TRPC4: variants seen among roughly 807,000 people sequenced by gnomAD.
The protein encoded by TRPC4 is short transient receptor potential channel 4.
A neutral mutation model predicts 99.4 loss-of-function variants in TRPC4; 49 were observed. The observed-to-expected ratio is 0.49, with a 90% CI of 0.39 to 0.63. The LOEUF (loss-of-function observed/expected upper bound fraction) is 0.63, where lower values mean the gene tolerates loss of function less well. Ranked by LOEUF, TRPC4 falls within the 20% of genes least tolerant of loss-of-function variation. The pLI is 0.00. For synonymous variants in TRPC4, 454 were observed against 425.9 expected (o/e 1.07, Z -0.81); for missense variants, 898 against 1,152.9 (o/e 0.78, Z 3.20).
chr13:37,745,139 A>G (rs1357968020), intron 3 of TRPC4, among the ~76,000 whole-genome samples: 1 of 152,024 alleles, frequency 6.6e-6, no homozygotes. Context: ...GAGTCTTCAC[A>G]CATCCACATA....
chr13:37,810,586 A>G (rs1193948163), intron 1 of TRPC4, among the ~76,000 whole-genome samples: 2 of 152,112 alleles, frequency 1.3e-5, no homozygotes, highest in Non-Finnish European at 2.9e-5. Flanking sequence ...ATGTTGCTCC[A>G]TAAGACAACT....
At chr13:37,760,637 G>C (rs886102841) in intron 2 of TRPC4, among the ~76,000 whole-genome samples, 4 of 151,910 alleles carry the variant, frequency 2.6e-5, no homozygotes, top group African/African-American at 9.7e-5. Flanking sequence ...CCCACAGGCT[G>C]TATGTGGCCC....
intron 8 of TRPC4, among the ~76,000 whole-genome samples, chr13:37,644,746 G>A (rs765586539): frequency 9.2e-5 from 14 of 151,724 alleles, no homozygotes; most frequent in Non-Finnish European, 1.5e-4. Context: ...GGTGGCAAGC[G>A]CCTGTAGTCC....
chr13:37,692,018 C>A lies in TRPC4; in HGVS notation c.1215G>T (p.Met405Ile). The stretch of plus-strand genomic sequence containing the variant: ...ATTTACCCAGGACCCACGGTAATAT[C>A]ATCCACTCGACGATGGTTGGTGGTG... ...QGPPPTIVEW[M>I]ILPWVLGFIW... is the part of the protein sequence containing the mutation. The change falls in exon 4 of 11, where the codon ATG becomes ATT. Residue 405 changes from methionine (M) to isoleucine (I), a missense_variant. Transcript: ENST00000379705. The A allele has an allele frequency of 1.9e-6, 3 of 1,613,632 alleles. No individual in the cohort carries two copies. Among genetic ancestry groups the A allele is most frequent in the Non-Finnish European group, 2.5e-6 (3 of 1,179,632 alleles).
chr13:37,665,489 G>A (rs1044249641), intron 5 of TRPC4, among the ~76,000 whole-genome samples: 2 of 152,020 alleles, frequency 1.3e-5, no homozygotes, highest in Non-Finnish European at 2.9e-5. Context: ...CCTGAATATC[G>A]TGGGTGCTCA....
At chr13:37,801,174 T>C (rs1957390108) in intron 1 of TRPC4, among the ~76,000 whole-genome samples, 1 of 152,190 alleles carries the variant, frequency 6.6e-6, no homozygotes, top group African/African-American at 2.4e-5. Flanking sequence ...CTGTGGAATG[T>C]AACATAAAAG....
chr13:37,787,040 T>C (rs1448071799), intron 1 of TRPC4, among the ~76,000 whole-genome samples: 4 of 151,992 alleles, frequency 2.6e-5, no homozygotes, highest in African/African-American at 9.7e-5. Flanking sequence ...CCAAAAATTT[T>C]AGATATTTAT....
intron 7 of TRPC4, among the ~76,000 whole-genome samples, chr13:37,654,764 G>A (rs1314373694): frequency 6.6e-6 from 1 of 152,100 alleles, no homozygotes; most frequent in Non-Finnish European, 1.5e-5. Flanking sequence ...CCGACAGGAG[G>A]CAAAACCTAT....
At chr13:37,749,121 T>G (rs1052233950) in intron 2 of TRPC4, among the ~76,000 whole-genome samples, 1 of 151,972 alleles carries the variant, frequency 6.6e-6, no homozygotes. Flanking sequence ...CCTTTCTTGC[T>G]CTCTCTCTCT....
At chr13:37,773,326 A>AT (rs1441115868) in intron 2 of TRPC4, among the ~76,000 whole-genome samples, 2 of 151,814 alleles carry the variant, frequency 1.3e-5, no homozygotes, top group Non-Finnish European at 2.9e-5. Context: ...CTGAGCCGCA[A>AT]TTTTTTTATC....
At chr13:37,796,370 C>T (rs530915628) in intron 1 of TRPC4, among the ~76,000 whole-genome samples, 3 of 152,220 alleles carry the variant, frequency 2.0e-5, no homozygotes, top group Admixed American at 6.5e-5. Context: ...ATTTATTTGA[C>T]GAAGGTCATG....
intron 1 of TRPC4, among the ~76,000 whole-genome samples, chr13:37,856,207 A>G (rs1452550076): frequency 1.3e-5 from 2 of 151,728 alleles, no homozygotes; most frequent in African/African-American, 2.4e-5. Flanking sequence ...ATATTGCAGA[A>G]ATCCCAAGGA....
rs1339016319 is a variant in TRPC4, at chr13:37,640,613, A to G, written c.2080-1314T>C. 4.6e-5 allele frequency among the ~76,000 whole-genome samples: 7 copies of G among 152,138 alleles called. No individual in the cohort carries two copies. The East Asian group carries it at 1.3e-3, about 29-fold the overall frequency. On this transcript the variant is annotated intron_variant, in intron 8 of 10. Transcript: ENST00000379705. The stretch of plus-strand genomic sequence containing the variant: ...AAACTCAGAAATTTGAAACAACACA[A>G]ATGTAGAGAGCAGCTTGAAAAAGTA...
intron 6 of TRPC4, 75 bp downstream of exon 6, chr13:37,663,340 AG>A: frequency 7.2e-7 from 1 of 1,384,512 alleles, no homozygotes; most frequent in Non-Finnish European, 9.8e-7. Context: ...CATTTGTCAT[AG>A]GTTTTTCAAG....
intron 2 of TRPC4, among the ~76,000 whole-genome samples, chr13:37,760,419 C>G (rs796333106): frequency 2.0e-4 from 30 of 151,936 alleles, no homozygotes; most frequent in African/African-American, 6.5e-4. Context: ...CATTGGGCTG[C>G]TTTTTTGCCT....
At chr13:37,698,676 A>G (rs532384995) in intron 3 of TRPC4, among the ~76,000 whole-genome samples, 1 of 152,320 alleles carries the variant, frequency 6.6e-6, no homozygotes, top group African/African-American at 2.4e-5. Context: ...AATTACGGGA[A>G]TAAACACAAA....
chr13:37,701,159 A>G (rs1053684352), intron 3 of TRPC4, among the ~76,000 whole-genome samples: 1 of 152,222 alleles, frequency 6.6e-6, no homozygotes, highest in Non-Finnish European at 1.5e-5. Flanking sequence ...AGAAAAAGGG[A>G]CAAAAAGAGT....
intron 6 of TRPC4, among the ~76,000 whole-genome samples, chr13:37,660,162 A>C (rs188003174): frequency 4.6e-5 from 7 of 152,336 alleles, no homozygotes. Flanking sequence ...AGCAGTAATG[A>C]AAATAAAAAA....
At position 37,700,898 on chromosome 13, in the gene TRPC4, C is replaced by G. The variant is rs541167020; in HGVS notation, c.898-8563G>C. ...CTTTTCTGTCTCCCTGACAAAAGCT[C>G]TGCTGACTATCTTGGCTGACAGATT... On this transcript the variant is annotated intron_variant, in intron 3 of 10. Coordinates refer to ENST00000379705, the MANE Select transcript of TRPC4 (RefSeq NM_016179.4). Among the ~76,000 whole-genome samples the G allele has an allele frequency of 2.0e-5, 3 of 152,276 alleles. No homozygotes were observed. The South Asian group carries it at 6.2e-4, about 32-fold the overall frequency.
Sources: gnomAD v4.1 joint callset for allele counts (sites outside exome capture counted in the v4.1 genomes callset) on GRCh38, gnomAD v4.1.1 for gene constraint, MANE v1.5 for transcripts, NCBI Gene and HGNC (gene_info 2026-07-23, HGNC 2026-07-21) for gene names.